The following DPP10 variants were observed in gnomAD, a reference collection of about 807,000 sequenced individuals.
The protein encoded by DPP10 is dipeptidyl peptidase like 10.
DPP10 carries 33 observed loss-of-function variants against 120.9 expected under a neutral mutation model. The observed-to-expected ratio is 0.27, with a 90% CI of 0.21 to 0.37. The LOEUF (loss-of-function observed/expected upper bound fraction) is 0.37. Among genes scored for constraint, DPP10 ranks in the 10% least tolerant of loss-of-function variants. The pLI, the probability that DPP10 is intolerant of heterozygous loss-of-function variation, is 1.00. For synonymous variants in DPP10, 337 were observed against 326.1 expected (o/e 1.03, Z -0.36); for missense variants, 816 against 942.8 (o/e 0.87, Z 1.76).
chr2:114,474,564 A>G (rs1680215566), intron 1 of DPP10, among the ~76,000 whole-genome samples: 1 of 152,164 alleles, frequency 6.6e-6, no homozygotes, highest in Non-Finnish European at 1.5e-5. Context: ...AAGAATTCTT[A>G]AGGGGCACCT....
intron 3 of DPP10, among the ~76,000 whole-genome samples, chr2:115,361,404 T>C (rs550781527): frequency 6.6e-6 from 1 of 152,006 alleles, no homozygotes; most frequent in South Asian, 2.1e-4. Context: ...GCAGTAGAGG[T>C]TGCATTGTCG....
chr2:114,965,701 G>A (rs1253798417), intron 1 of DPP10, among the ~76,000 whole-genome samples: 7 of 151,878 alleles, frequency 4.6e-5, no homozygotes, highest in South Asian at 2.1e-4. Context: ...AGAGGAGGCC[G>A]GGCGCGGTGG....
intron 1 of DPP10, among the ~76,000 whole-genome samples, chr2:114,639,370 G>A (rs1313330666): frequency 6.6e-6 from 1 of 151,876 alleles, no homozygotes; most frequent in Non-Finnish European, 1.5e-5. Flanking sequence ...CCCATGACAT[G>A]TGGGAATTAT....
At chr2:114,633,694 A>C (rs1242959879) in intron 1 of DPP10, among the ~76,000 whole-genome samples, 1 of 151,452 alleles carries the variant, frequency 6.6e-6, no homozygotes, top group Non-Finnish European at 1.5e-5. Flanking sequence ...GCTCACTGCA[A>C]CCTCCGCCTC....
chr2:114,966,820 T>C lies in DPP10; in HGVS notation c.61-342419T>C, dbSNP rs138743100. ...ACTTTGGGAGGCCATGGCAGGTGGG[T>C]CACTTGAGGTCAGGAGTTTGATACC... is the stretch of plus-strand genomic sequence containing the variant. On this transcript the variant is annotated intron_variant, in intron 1 of 25. Coordinates refer to ENST00000410059, the MANE Select transcript of DPP10 (RefSeq NM_020868.6). 5.8e-3 allele frequency among the ~76,000 whole-genome samples: 881 copies of C among 152,298 alleles called. 9 individuals carry two copies. Among genetic ancestry groups the C allele is most frequent in the African/African-American group, 0.02 (837 of 41,562 alleles).
chr2:114,680,588 A>G (rs1056838583), intron 1 of DPP10, among the ~76,000 whole-genome samples: 3 of 152,038 alleles, frequency 2.0e-5, no homozygotes, highest in Non-Finnish European at 4.4e-5. Context: ...AACGTGTTAA[A>G]AGGTTAGTAC....
intron 1 of DPP10, among the ~76,000 whole-genome samples, chr2:114,516,395 G>T (rs1476352815): frequency 6.6e-6 from 1 of 152,176 alleles, no homozygotes; most frequent in Non-Finnish European, 1.5e-5. Context: ...TCTTGCTCCA[G>T]CCCTGCTGTG....
chr2:115,401,229 T>G (rs2068049213), intron 3 of DPP10, among the ~76,000 whole-genome samples: 1 of 152,126 alleles, frequency 6.6e-6, no homozygotes, highest in African/African-American at 2.4e-5. Context: ...GGTAGACACC[T>G]TATGGAAACA....
Position 115,842,449 on chromosome 2 carries a change from G to T in DPP10, c.*104G>T, listed in dbSNP as rs1210301265. The T allele has an allele frequency of 7.2e-7, 1 of 1,386,972 alleles. No individual in the cohort carries two copies. The highest frequency in any genetic ancestry group is 9.7e-7 in the Non-Finnish European group (1 of 1,028,988). The allele number at this position is 1,386,972 out of a possible 1,614,324, so 85.9% of individuals were successfully genotyped here. A position where few individuals can be genotyped will look rare whatever the true frequency, so the allele number is the denominator to read the frequency against. On this transcript the variant is annotated 3_prime_UTR_variant, in exon 26 of 26. Coordinates refer to ENST00000410059, the MANE Select transcript of DPP10 (RefSeq NM_020868.6). ...CTCCAGAATGTCAAGGGCAGCTTAC[G>T]GAGATGTCACTGGAGCAGCACGCTC...
chr2:114,899,951 C>T (rs1387292214), intron 1 of DPP10, among the ~76,000 whole-genome samples: 3 of 152,206 alleles, frequency 2.0e-5, no homozygotes, highest in Non-Finnish European at 1.5e-5. Flanking sequence ...CAGAGCGAGA[C>T]TCCGTCTCAA....
intron 1 of DPP10, among the ~76,000 whole-genome samples, chr2:114,678,951 GTCT>G (rs1185447417): frequency 2.0e-5 from 3 of 151,988 alleles, no homozygotes; most frequent in Admixed American, 6.6e-5. Flanking sequence ...TTTGAAGGAA[GTCT>G]TCTTTTCTCA....
intron 4 of DPP10, among the ~76,000 whole-genome samples, chr2:115,503,648 T>A (rs2076799188): frequency 6.6e-6 from 1 of 152,174 alleles, no homozygotes; most frequent in Non-Finnish European, 1.5e-5. Flanking sequence ...TCTGTTGGAA[T>A]CCCAGTAGTG....
chr2:114,595,783 G>C (rs1691858051), intron 1 of DPP10, among the ~76,000 whole-genome samples: 1 of 152,096 alleles, frequency 6.6e-6, no homozygotes, highest in African/African-American at 2.4e-5. Context: ...CCTAAACAAA[G>C]AGCTTTTCAG....
intron 3 of DPP10, among the ~76,000 whole-genome samples, chr2:115,495,365 G>GAAGAA (rs1553431556): frequency 1.2e-5 from 1 of 82,240 alleles, no homozygotes; most frequent in African/African-American, 4.5e-5. Context: ...GCCATTTTCT[G>GAAGAA]AAAAAAAAAA....
intron 3 of DPP10, among the ~76,000 whole-genome samples, chr2:115,349,425 A>G (rs1373088225): frequency 6.6e-6 from 1 of 152,138 alleles, no homozygotes; most frequent in Non-Finnish European, 1.5e-5. Flanking sequence ...GAGCAAAAAT[A>G]TGTAAAAAGT....
At chr2:115,459,702 A>C (rs2073864773) in intron 3 of DPP10, among the ~76,000 whole-genome samples, 1 of 152,002 alleles carries the variant, frequency 6.6e-6, no homozygotes, top group South Asian at 2.1e-4. Context: ...TAAACATCAA[A>C]ATTGTGAGAA....
At chr2:115,601,943 A>C (rs2083350434) in intron 5 of DPP10, among the ~76,000 whole-genome samples, 1 of 152,126 alleles carries the variant, frequency 6.6e-6, no homozygotes, top group Admixed American at 6.5e-5. Flanking sequence ...GGCCTCCCAA[A>C]GTGCTGGGAT....
chr2:115,796,600 A>G (rs922737944), intron 19 of DPP10, among the ~76,000 whole-genome samples: 2 of 152,186 alleles, frequency 1.3e-5, no homozygotes, highest in Middle Eastern at 6.8e-3. Context: ...ATGAGACGCG[A>G]GTTTCTAATT....
chr2:115,346,549 T>C (rs979892978), intron 3 of DPP10, among the ~76,000 whole-genome samples: 1 of 152,190 alleles, frequency 6.6e-6, no homozygotes, highest in Admixed American at 6.5e-5. Flanking sequence ...CATGGTTAGC[T>C]TAACAACGGC....
Sources: allele counts gnomAD v4.1 joint callset (sites outside exome capture counted in the v4.1 genomes callset), GRCh38; gene constraint gnomAD v4.1.1; transcripts MANE v1.5; gene names NCBI Gene and HGNC (gene_info 2026-07-23, HGNC 2026-07-21).